Variants in MBNL2 observed in about 807,000 individuals in gnomAD.
MBNL2 encodes muscleblind like splicing regulator 2, also known as muscleblind-like protein 2.
Under a neutral mutation model 41.9 loss-of-function variants are expected in MBNL2, and 17 were observed. That is an observed-to-expected ratio of 0.41 (90% confidence interval 0.28 to 0.61). MBNL2 has a LOEUF of 0.61. Among genes scored for constraint, MBNL2 ranks in the 20% least tolerant of loss-of-function variants. MBNL2 has a pLI of 0.35. For missense variants in MBNL2, 336 were observed against 505.6 expected, an observed-to-expected ratio of 0.66 and a Z score of 3.22; for synonymous variants, 195 against 182.9, an observed-to-expected ratio of 1.07 and a Z score of -0.53.
chr13:97,287,686 T>C (rs2054768190), intron 2 of MBNL2, among the ~76,000 whole-genome samples: 1 of 148,362 alleles, frequency 6.7e-6, no homozygotes, highest in African/African-American at 2.5e-5. Flanking sequence ...GATTATTATG[T>C]TTATTTCTTT....
At chr13:97,151,245 G>C in the MBNL2 span, among the ~76,000 whole-genome samples, 1 of 152,090 alleles carries the variant, frequency 6.6e-6, no homozygotes, top group Non-Finnish European at 1.5e-5. Flanking sequence ...TTCAAAGCGG[G>C]GGTGAAAAGG....
chr13:97,236,592 G>A (rs1006860212), intron 1 of MBNL2, among the ~76,000 whole-genome samples: 1 of 150,902 alleles, frequency 6.6e-6, no homozygotes, highest in Non-Finnish European at 1.5e-5. Flanking sequence ...GATAAAGTTC[G>A]TGGGAAGGTA....
the MBNL2 span, among the ~76,000 whole-genome samples, chr13:97,209,467 G>A: frequency 6.6e-6 from 1 of 152,170 alleles, no homozygotes; most frequent in Admixed American, 6.5e-5. Context: ...TTCCCAGATT[G>A]AGTGAGTATG....
the MBNL2 span, among the ~76,000 whole-genome samples, chr13:97,145,865 G>A: frequency 6.6e-6 from 1 of 152,186 alleles, no homozygotes; most frequent in Non-Finnish European, 1.5e-5. Context: ...CCAAGCAGTT[G>A]ATCTACCTTG....
At chr13:97,325,327 A>C (rs2153047155) in intron 2 of MBNL2, among the ~76,000 whole-genome samples, 2 of 152,340 alleles carry the variant, frequency 1.3e-5, no homozygotes, top group South Asian at 4.1e-4. Flanking sequence ...AACAATCCTT[A>C]TCGGTAAGAG....
intron 1 of MBNL2, among the ~76,000 whole-genome samples, chr13:97,257,662 CGTTT>C (rs1179523866): frequency 1.3e-5 from 2 of 152,214 alleles, no homozygotes; most frequent in Non-Finnish European, 2.9e-5. Flanking sequence ...CCCTCTACCT[CGTTT>C]GTTTCAGTCA....
At chr13:97,320,848 G>C (rs914050159) in intron 2 of MBNL2, among the ~76,000 whole-genome samples, 3 of 152,054 alleles carry the variant, frequency 2.0e-5, no homozygotes, top group African/African-American at 7.2e-5. Flanking sequence ...CCGGGAGGCG[G>C]AGGTTGCAGT....
Position 97,334,557 on chromosome 13 carries a change from A to T in MBNL2, c.339+117A>T. The T allele has an allele frequency of 1.6e-6, 1 of 635,818 alleles. No homozygotes were observed. The highest frequency in any genetic ancestry group is 2.6e-6 in the Non-Finnish European group (1 of 385,194). 39.4% of individuals were successfully genotyped at this position (635,818 alleles called of 1,614,324 possible). On this transcript the variant is annotated intron_variant, in intron 3 of 8. Transcript: ENST00000679496. The surrounding 1 kb of genome is among the most constrained non-coding windows in gnomAD (Gnocchi z 5.3). The stretch of plus-strand genomic sequence containing the variant: ...GTCACTTTGGTTACAATTAAAGCAA[A>T]TAGCTTTAAAGCTCAATAGATGAAG...
chr13:97,343,762 G>C (rs1374266892), intron 4 of MBNL2, among the ~76,000 whole-genome samples: 1 of 152,192 alleles, frequency 6.6e-6, no homozygotes, highest in African/African-American at 2.4e-5. Context: ...TTGTGTTGTT[G>C]CTAAACAGGG....
At chr13:97,210,571 ATTTTTTTTTTTTTTTTTTTTTTTTT>A in the MBNL2 span, among the ~76,000 whole-genome samples, 7,225 of 65,758 alleles carry the variant, frequency 0.11, 385 homozygotes, top group Middle Eastern at 0.23. Flanking sequence ...ACAACTGTGA[ATTTTTTTTTTTTTTTTTTTTTTTTT>A]TTTTTTTTTT....
intron 1 of MBNL2, among the ~76,000 whole-genome samples, chr13:97,272,804 A>G (rs894685890): frequency 6.6e-6 from 1 of 152,234 alleles, no homozygotes; most frequent in African/African-American, 2.4e-5. Flanking sequence ...ATTTGTATAT[A>G]ATAATCCTAT....
the MBNL2 span, among the ~76,000 whole-genome samples, chr13:97,181,474 A>G: frequency 1.3e-5 from 2 of 152,188 alleles, no homozygotes; most frequent in Non-Finnish European, 2.9e-5. Flanking sequence ...GGGAGATTTA[A>G]TGGATGAGCC....
intron 7 of MBNL2, among the ~76,000 whole-genome samples, chr13:97,360,781 T>G (rs1205717002): frequency 1.3e-5 from 2 of 152,244 alleles, no homozygotes; most frequent in African/African-American, 2.4e-5. Context: ...TTCATAGAAT[T>G]GGTGCCTAGT....
At chr13:97,379,650 T>C (rs1472136050) in intron 8 of MBNL2, among the ~76,000 whole-genome samples, 1 of 115,626 alleles carries the variant, frequency 8.6e-6, no homozygotes, top group Non-Finnish European at 1.6e-5. Flanking sequence ...GCCAGGGGTC[T>C]CACTGCGAAG....
chr13:97,222,351 C>T lies in MBNL2; in HGVS notation c.-785C>T. ...AGAGTTTAGACTGTCTTTGCTTCAT[C>T]ATCTGAAGGTAAAATTTTCCAGATA... On this transcript the variant is annotated 5_prime_UTR_variant, in exon 1 of 9. Coordinates refer to ENST00000679496, the MANE Select transcript of MBNL2 (RefSeq NM_001382683.1). 2 of 398,554 alleles carry T rather than the reference C, an allele frequency of 5.0e-6. No individual in the cohort carries two copies. Among genetic ancestry groups the T allele is most frequent in the Non-Finnish European group, 8.8e-6 (2 of 226,038 alleles). The allele number at this position is 398,554 out of a possible 1,614,324, so 24.7% of individuals were successfully genotyped here. A position where few individuals can be genotyped will look rare whatever the true frequency, so the allele number is the denominator to read the frequency against.
At chr13:97,226,431 T>A (rs1160670151) in intron 1 of MBNL2, among the ~76,000 whole-genome samples, 1 of 152,230 alleles carries the variant, frequency 6.6e-6, no homozygotes, top group Non-Finnish European at 1.5e-5. Flanking sequence ...ACCTCTGGGC[T>A]TCCCTGGCTT....
chr13:97,151,603 G>C, the MBNL2 span, among the ~76,000 whole-genome samples: 1 of 152,178 alleles, frequency 6.6e-6, no homozygotes, highest in South Asian at 2.1e-4. Flanking sequence ...TCTGGTCATG[G>C]AGTTGGGAAG....
At chr13:97,337,963 C>A (rs568685552) in intron 3 of MBNL2, among the ~76,000 whole-genome samples, 2 of 152,188 alleles carry the variant, frequency 1.3e-5, no homozygotes, top group South Asian at 2.1e-4. Context: ...CCACCATCAA[C>A]CTTTTATCAA....
chr13:97,300,605 T>C (rs2057521585), intron 2 of MBNL2, among the ~76,000 whole-genome samples: 1 of 152,174 alleles, frequency 6.6e-6, no homozygotes, highest in South Asian at 2.1e-4. Context: ...GAGTCCGTAA[T>C]ACCTCCATGA....
Sources: allele counts gnomAD v4.1 joint callset (sites outside exome capture counted in the v4.1 genomes callset), GRCh38; gene constraint gnomAD v4.1.1; non-coding constraint Gnocchi (gnomAD v3.1); transcripts MANE v1.5; gene names NCBI Gene and HGNC (gene_info 2026-07-23, HGNC 2026-07-21).